RIC3: variants seen among roughly 807,000 people sequenced by gnomAD.
RIC3 encodes the protein protein RIC-3.
A neutral mutation model predicts 27.3 loss-of-function variants in RIC3; 28 were observed. The observed-to-expected ratio is 1.02, with a 90% confidence interval of 0.76 to 1.41. The LOEUF is 1.41. Ranked by LOEUF, RIC3 falls within the 40% of genes most tolerant of loss-of-function variation. RIC3 has a pLI of 0.00. For synonymous variants in RIC3, 184 were observed against 160.4 expected (o/e 1.15, Z -1.11); for missense variants, 501 against 444.7 (o/e 1.13, Z -1.14).
At chr11:8,120,948 A>T (rs148729538) in intron 5 of RIC3, among the ~76,000 whole-genome samples, 67 of 152,324 alleles carry the variant, frequency 4.4e-4, no homozygotes, top group African/African-American at 1.6e-3. Flanking sequence ...ATGTACAGAT[A>T]TCCAAGTATT....
intron 4 of RIC3, among the ~76,000 whole-genome samples, chr11:8,132,692 C>T (rs1410392261): frequency 6.6e-6 from 1 of 152,144 alleles, no homozygotes; most frequent in Admixed American, 6.5e-5. Flanking sequence ...TCAGAAACTG[C>T]AGAGTTTTCT....
At chr11:8,165,034 G>T (rs535265658) in intron 1 of RIC3, among the ~76,000 whole-genome samples, 18 of 152,090 alleles carry the variant, frequency 1.2e-4, no homozygotes, top group Non-Finnish European at 1.9e-4. Context: ...GAAACCAGAA[G>T]CCCTCTTACA....
intron 4 of RIC3, among the ~76,000 whole-genome samples, chr11:8,131,487 G>C (rs1478442878): frequency 6.6e-6 from 1 of 152,194 alleles, no homozygotes; most frequent in Non-Finnish European, 1.5e-5. Flanking sequence ...ATATGATGAG[G>C]CTAAAGGTAG....
At chr11:8,115,903 A>C (rs1400971607) in intron 5 of RIC3, among the ~76,000 whole-genome samples, 1 of 152,204 alleles carries the variant, frequency 6.6e-6, no homozygotes, top group East Asian at 1.9e-4. Context: ...CAATTCTAAA[A>C]TTCATATGGA....
At chr11:8,136,170 G>C (rs1948387369) in intron 4 of RIC3, among the ~76,000 whole-genome samples, 1 of 152,174 alleles carries the variant, frequency 6.6e-6, no homozygotes, top group Non-Finnish European at 1.5e-5. Flanking sequence ...GAAATGCCAG[G>C]TCAGGAGGCT....
chr11:8,149,268 G>T (rs192779275), intron 1 of RIC3, among the ~76,000 whole-genome samples: 1 of 151,498 alleles, frequency 6.6e-6, no homozygotes, highest in Non-Finnish European at 1.5e-5. Flanking sequence ...TTACTGAAGG[G>T]AATGAAAGAA....
chr11:8,164,049 T>A (rs1951444296), intron 1 of RIC3, among the ~76,000 whole-genome samples: 1 of 152,196 alleles, frequency 6.6e-6, no homozygotes, highest in South Asian at 2.1e-4. Flanking sequence ...ACTCTTACAT[T>A]TAGAGTCAAC....
rs1385320732 is a variant in RIC3, at chr11:8,157,416, C to A, written c.124+11450G>T. Among the ~76,000 whole-genome samples the A allele has an allele frequency of 2.6e-5, 4 of 152,204 alleles. No homozygotes were observed. In the East Asian group the frequency reaches 7.7e-4, roughly 29 times the overall value. ...CATCCTCCAGATCACCTAACACAAA[C>A]CCAAATCCTATAATGACTTTTTCTA... On this transcript the variant is annotated intron_variant, in intron 1 of 5. Coordinates refer to ENST00000309737, the MANE Select transcript of RIC3 (RefSeq NM_001206671.4).
chr11:8,168,862 T>C lies in RIC3; in HGVS notation c.124+4A>G, dbSNP rs1952011118. The stretch of plus-strand genomic sequence containing the variant: ...AAGCTCAGAGGGAGCTGGCCTGCTC[T>C]TACCTTCAGGTGTCGGCGGCGGCTC... On this transcript the variant is annotated splice_donor_region_variant and intron_variant, in intron 1 of 5. Transcript: ENST00000309737. 1.2e-6 allele frequency: 2 copies of C among 1,611,396 alleles called. No homozygotes were observed. Among genetic ancestry groups the C allele is most frequent in the East Asian group, 4.5e-5 (2 of 44,594 alleles).
intron 5 of RIC3, among the ~76,000 whole-genome samples, chr11:8,117,294 G>C (rs1945956420): frequency 6.6e-6 from 1 of 152,154 alleles, no homozygotes. Flanking sequence ...TGAACTCCTA[G>C]GCTCAAGCAA....
the RIC3 span, chr11:8,100,978 G>A: frequency 6.2e-7 from 1 of 1,614,060 alleles, no homozygotes; most frequent in South Asian, 1.1e-5. Flanking sequence ...AGAACTTCCA[G>A]ATCATCCATG....
At chr11:8,097,264 C>CA in the RIC3 span, 3 of 1,614,194 alleles carry the variant, frequency 1.9e-6, no homozygotes, top group Non-Finnish European at 8.5e-7. Context: ...AGCTCCAGAG[C>CA]AACCAGTGGA....
chr11:8,099,372 C>A, the RIC3 span, among the ~76,000 whole-genome samples: 11 of 152,154 alleles, frequency 7.2e-5, no homozygotes, highest in Non-Finnish European at 1.3e-4. Context: ...TACTCTACCC[C>A]TTTGAACCTT....
chr11:8,159,172 G>C (rs1004701211), intron 1 of RIC3, among the ~76,000 whole-genome samples: 1 of 152,182 alleles, frequency 6.6e-6, no homozygotes, highest in African/African-American at 2.4e-5. Flanking sequence ...AAGGCATCAG[G>C]AAATGCAGTT....
the RIC3 span, chr11:8,098,778 A>C: frequency 6.2e-7 from 1 of 1,614,066 alleles, no homozygotes; most frequent in East Asian, 2.2e-5. Context: ...ATGGGCACCA[A>C]GTTCACTGTT....
At chr11:8,120,661 G>T (rs1260870658) in intron 5 of RIC3, among the ~76,000 whole-genome samples, 2 of 151,146 alleles carry the variant, frequency 1.3e-5, no homozygotes, top group African/African-American at 4.9e-5. Context: ...ATGTACCCTA[G>T]AACTTAAAGT....
chr11:8,167,572 C>G (rs752525351), intron 1 of RIC3, among the ~76,000 whole-genome samples: 1 of 149,896 alleles, frequency 6.7e-6, no homozygotes, highest in Non-Finnish European at 1.5e-5. Flanking sequence ...TTTTCTACAA[C>G]GTTCAGAAGA....
chr11:8,149,722 A>T (rs2134086490), intron 1 of RIC3, among the ~76,000 whole-genome samples: 1 of 152,342 alleles, frequency 6.6e-6, no homozygotes, highest in South Asian at 2.1e-4. Context: ...AGTAACCTTG[A>T]AAACTAAATT....
intron 1 of RIC3, among the ~76,000 whole-genome samples, chr11:8,151,933 G>A (rs1404371028): frequency 4.1e-5 from 6 of 148,082 alleles, no homozygotes; most frequent in African/African-American, 5.0e-5. Context: ...AAAAAAAAAA[G>A]AGCAAGGGAT....
Sources: gnomAD v4.1 joint callset for allele counts (sites outside exome capture counted in the v4.1 genomes callset) on GRCh38, gnomAD v4.1.1 for gene constraint, MANE v1.5 for transcripts, NCBI Gene and HGNC (gene_info 2026-07-23, HGNC 2026-07-21) for gene names.